The following MASP1 variants were observed in gnomAD, a reference collection of about 807,000 sequenced individuals.
The protein encoded by MASP1 is MBL associated serine protease 1.
In MASP1, 59 loss-of-function variants were observed where a neutral mutation model predicts 77.1. That is an observed-to-expected ratio of 0.77 (90% CI 0.62 to 0.95). MASP1 has a LOEUF of 0.95. MASP1 is among the 40% of genes least tolerant of loss of function. The pLI, the probability that MASP1 is intolerant of heterozygous loss-of-function variation, is 0.00. For missense variants in MASP1, 885 were observed against 912.9 expected, an observed-to-expected ratio of 0.97 and a Z score of 0.39; for synonymous variants, 362 against 354.5, an observed-to-expected ratio of 1.02 and a Z score of -0.24.
intron 8 of MASP1, chr3:187,246,368 A>C: frequency 1.0e-6 from 1 of 985,360 alleles, no homozygotes; most frequent in Non-Finnish European, 1.2e-6. Context: ...TGTAGGTTTA[A>C]AGACATTTAT....
intron 1 of MASP1, among the ~76,000 whole-genome samples, chr3:187,289,532 G>C (rs1718135586): frequency 6.6e-6 from 1 of 152,146 alleles, no homozygotes; most frequent in South Asian, 2.1e-4. Context: ...AATTAATCCT[G>C]TGAAAAATAA....
At chr3:187,258,172 A>G (rs2108555144) in intron 4 of MASP1, among the ~76,000 whole-genome samples, 1 of 152,234 alleles carries the variant, frequency 6.6e-6, no homozygotes, top group Non-Finnish European at 1.5e-5. Flanking sequence ...TATGAAAACA[A>G]TTTTCAGCTC....
intron 2 of MASP1, among the ~76,000 whole-genome samples, chr3:187,283,604 A>G (rs1161940656): frequency 6.6e-6 from 1 of 152,214 alleles, no homozygotes; most frequent in Non-Finnish European, 1.5e-5. Context: ...GAGCAAAAAA[A>G]TTCTATAATT....
At chr3:187,289,719 C>G (rs911849920) in intron 1 of MASP1, among the ~76,000 whole-genome samples, 13 of 152,228 alleles carry the variant, frequency 8.5e-5, no homozygotes, top group African/African-American at 3.1e-4. Flanking sequence ...GAATAATACA[C>G]TTGGCTGAAA....
At chr3:187,243,356 T>C in intron 9 of MASP1, 128 bp downstream of exon 9, 2 of 936,878 alleles carry the variant, frequency 2.1e-6, no homozygotes, top group Non-Finnish European at 3.5e-6. Context: ...GAGTGACACG[T>C]TTTGCATTAT....
intron 4 of MASP1, among the ~76,000 whole-genome samples, chr3:187,257,457 GCCTCCA>G (rs934648430): frequency 3.3e-5 from 5 of 151,842 alleles, no homozygotes; most frequent in African/African-American, 4.8e-5. Flanking sequence ...TGCAACCTTC[GCCTCCA>G]CCTCCACCTC....
intron 15 of MASP1, among the ~76,000 whole-genome samples, chr3:187,220,698 A>G (rs1712007117): frequency 6.6e-6 from 1 of 151,862 alleles, no homozygotes; most frequent in East Asian, 1.9e-4. Flanking sequence ...GGATTTCGCC[A>G]TGTTAGCAAG....
chr3:187,260,845 T>A lies in MASP1; in HGVS notation c.443A>T (p.Asp148Val). 5 of 1,614,084 alleles carry A rather than the reference T, an allele frequency of 3.1e-6. No homozygotes were observed. The highest frequency in any genetic ancestry group is 4.2e-6 in the Non-Finnish European group (5 of 1,179,982). Residue 148 changes from aspartate (D) to valine (V), a missense_variant, in exon 4 of 11, where the codon GAC becomes GTC. Coordinates refer to ENST00000296280, the MANE Select transcript of MASP1 (RefSeq NM_139125.4). ...GTAGTGGTCACAGGACAGCTCCTCG[T>A]CCTCCCTCTCCTTGCACTCGTCCAC... ...VDVDECKERE[D>V]EELSCDHYCH...
intron 2 of MASP1, among the ~76,000 whole-genome samples, chr3:187,284,197 C>T (rs1717662047): frequency 6.6e-6 from 1 of 152,162 alleles, no homozygotes; most frequent in African/African-American, 2.4e-5. Flanking sequence ...TGGCTATTTT[C>T]AAGACTCATC....
intron 7 of MASP1, 173 bp downstream of exon 7, chr3:187,251,461 C>T (rs1343676392): frequency 2.4e-5 from 15 of 629,362 alleles, no homozygotes; most frequent in East Asian, 2.7e-5. Context: ...AGTGTGAGAC[C>T]GCCTGGGACG....
chr3:187,222,794 G>T (rs1227829811), intron 14 of MASP1, among the ~76,000 whole-genome samples: 1 of 151,960 alleles, frequency 6.6e-6, no homozygotes, highest in East Asian at 1.9e-4. Context: ...GGCCAATTTG[G>T]TGTACAGTTC....
At position 187,285,964 on chromosome 3, in the gene MASP1, G is replaced by A. The variant is rs1260440808; in HGVS notation, c.98C>T (p.Ser33Leu). The A allele has an allele frequency of 1.1e-5, 17 of 1,614,216 alleles. No individual in the cohort carries two copies. The highest frequency in any genetic ancestry group is 1.3e-5 in the Non-Finnish European group (15 of 1,180,040). ...ELNNMFGQIQ[S>L]PGYPDSYPSD... The stretch of plus-strand genomic sequence containing the variant: ...GGGATAGGAGTCTGGATAACCAGGC[G>A]ACTGGATCTGGCCAAACATATTGTT... Residue 33 changes from serine to leucine, a missense_variant, in exon 2 of 11, where the codon TCG (serine) becomes TTG (leucine). Ser to Leu is a moderately radical substitution (Grantham distance 145). Coordinates refer to ENST00000296280, the MANE Select transcript of MASP1 (RefSeq NM_139125.4).
At chr3:187,226,227 C>A in intron 12 of MASP1, 2 of 633,712 alleles carry the variant, frequency 3.2e-6, no homozygotes, top group Middle Eastern at 4.2e-4. Flanking sequence ...TTCTCATGGT[C>A]ACGTGTCTGG....
chr3:187,241,980 C>G (rs1713682711), intron 9 of MASP1: 2 of 194,696 alleles, frequency 1.0e-5, no homozygotes, highest in South Asian at 1.0e-4. Flanking sequence ...TCTGGGGAAT[C>G]CCACTCCTGC....
At chr3:187,268,150 T>C (rs1398166859) in intron 2 of MASP1, among the ~76,000 whole-genome samples, 1 of 152,160 alleles carries the variant, frequency 6.6e-6, no homozygotes, top group African/African-American at 2.4e-5. Flanking sequence ...GTGAATCAAT[T>C]GGCAAAACTT....
chr3:187,234,949 T>C lies in MASP1; in HGVS notation c.*735A>G, dbSNP rs757178047. The C allele has an allele frequency of 3.1e-6, 4 of 1,287,088 alleles. No individual in the cohort carries two copies. The highest frequency in any genetic ancestry group is 4.0e-6 in the Non-Finnish European group (4 of 988,694). 79.7% of individuals were successfully genotyped at this position (1,287,088 alleles called of 1,614,324 possible). On this transcript the variant is annotated 3_prime_UTR_variant, in exon 11 of 11. Coordinates refer to ENST00000296280, the MANE Select transcript of MASP1 (RefSeq NM_139125.4). ...GCCCAAATGTGTTCTGAGTTGACAA[T>C]GGGAATTTAAGGGCTTGGTGGGCCT...
chr3:187,285,977 C>T lies in MASP1; in HGVS notation c.85G>A (p.Gly29Ser). The change falls in exon 2 of 11, where the codon GGC becomes AGC. Residue 29 changes from glycine (G) to serine (S), a missense_variant. By Grantham distance (56) the Gly-to-Ser change is moderately conservative. Coordinates refer to ENST00000296280, the MANE Select transcript of MASP1 (RefSeq NM_139125.4). ...AHTVELNNMF[G>S]QIQSPGYPDS... ...GGATAACCAGGCGACTGGATCTGGC[C>T]AAACATATTGTTTAGCTCCACGGTG... The T allele has an allele frequency of 6.2e-7, 1 of 1,614,190 alleles. No homozygotes were observed.
At chr3:187,262,411 G>T in intron 3 of MASP1, 132 bp downstream of exon 3, 3 of 836,488 alleles carry the variant, frequency 3.6e-6, no homozygotes, top group Non-Finnish European at 4.1e-6. Context: ...TAGAGCAAAT[G>T]CATTAAGACA....
chr3:187,245,723 A>G (rs1198547871), intron 8 of MASP1, among the ~76,000 whole-genome samples: 1 of 152,080 alleles, frequency 6.6e-6, no homozygotes. Context: ...TTGCTTTAGG[A>G]AGGGTTTTAT....
Sources: gnomAD v4.1 joint callset for allele counts (sites outside exome capture counted in the v4.1 genomes callset) on GRCh38, gnomAD v4.1.1 for gene constraint, MANE v1.5 for transcripts, NCBI Gene and HGNC (gene_info 2026-07-23, HGNC 2026-07-21) for gene names.